The following FBLN2 variants were observed in gnomAD, a reference collection of about 807,000 sequenced individuals.
FBLN2 encodes the protein fibulin-2.
A neutral mutation model predicts 123.7 loss-of-function variants in FBLN2; 81 were observed. The ratio of observed to expected loss-of-function variants is 0.65; its 90% CI spans 0.55 to 0.79. The LOEUF is 0.79. Ranked by LOEUF, FBLN2 falls within the 30% of genes least tolerant of loss-of-function variation. The pLI is 0.00. For missense variants in FBLN2, 1,603 were observed against 1,681.3 expected, an observed-to-expected ratio of 0.95 and a Z score of 0.81; for synonymous variants, 699 against 701.4, an observed-to-expected ratio of 1.00 and a Z score of 0.05.
intron 1 of FBLN2, among the ~76,000 whole-genome samples, chr3:13,563,640 AAGAC>A (rs1252235504): frequency 6.6e-6 from 1 of 152,060 alleles, no homozygotes. Flanking sequence ...AGCCCCGTCT[AAGAC>A]AGTGCGCAGC....
At chr3:13,626,075 A>G (rs1210539313) in intron 9 of FBLN2, among the ~76,000 whole-genome samples, 1 of 151,826 alleles carries the variant, frequency 6.6e-6, no homozygotes, top group Non-Finnish European at 1.5e-5. Flanking sequence ...GTACCTGGGC[A>G]CTCCCTGTCT....
intron 4 of FBLN2, among the ~76,000 whole-genome samples, chr3:13,611,581 C>T (rs755789045): frequency 6.8e-4 from 103 of 152,212 alleles, no homozygotes; most frequent in Non-Finnish European, 1.3e-3. Flanking sequence ...CAAGGTTCAT[C>T]CATGCCATGT....
intron 2 of FBLN2, among the ~76,000 whole-genome samples, chr3:13,592,507 G>A (rs1704709945): frequency 6.6e-6 from 1 of 152,138 alleles, no homozygotes; most frequent in Admixed American, 6.5e-5. Flanking sequence ...TTGAAATTTG[G>A]AATTAGCCCT....
chr3:13,590,390 A>G (rs1477660310), intron 2 of FBLN2, among the ~76,000 whole-genome samples: 2 of 151,942 alleles, frequency 1.3e-5, no homozygotes, highest in Non-Finnish European at 2.9e-5. Context: ...CAGAGGTGCC[A>G]TCTTGGCTCA....
chr3:13,550,129 C>T (rs1419535422), intron 1 of FBLN2, among the ~76,000 whole-genome samples: 1 of 152,244 alleles, frequency 6.6e-6, no homozygotes, highest in South Asian at 2.1e-4. Context: ...CAGACCCCCA[C>T]GACTTCACAG....
intron 8 of FBLN2, among the ~76,000 whole-genome samples, chr3:13,620,299 G>A (rs1458700181): frequency 6.6e-6 from 1 of 152,218 alleles, no homozygotes; most frequent in Non-Finnish European, 1.5e-5. Flanking sequence ...TTGCCCTTGA[G>A]GGTTGCCCTG....
intron 5 of FBLN2, among the ~76,000 whole-genome samples, chr3:13,617,656 TACCCACCCATCCACCC>T (rs1303685735): frequency 2.4e-4 from 17 of 69,654 alleles, no homozygotes; most frequent in African/African-American, 9.8e-4. Flanking sequence ...CCCACCCATC[TACCCACCCATCCACCC>T]ACCCATCCAT....
chr3:13,630,522 C>T (rs1706219897), intron 14 of FBLN2, among the ~76,000 whole-genome samples, 177 bp from the exon 15 acceptor site: 1 of 152,240 alleles, frequency 6.6e-6, no homozygotes. Context: ...GCTGAGACCC[C>T]TGGGAGGCCA....
intron 2 of FBLN2, among the ~76,000 whole-genome samples, chr3:13,577,222 CAAAAAAAAAAA>C (rs34445954): frequency 6.7e-5 from 4 of 59,936 alleles, no homozygotes; most frequent in Non-Finnish European, 1.4e-4. Flanking sequence ...GACTCCGTCT[CAAAAAAAAAAA>C]AAAAAAAAGC....
chr3:13,559,950 C>T (rs1270857264), intron 1 of FBLN2, among the ~76,000 whole-genome samples: 2 of 152,090 alleles, frequency 1.3e-5, no homozygotes, highest in South Asian at 2.1e-4. Flanking sequence ...TGTGGAGCGC[C>T]AGGTGGGGAG....
chr3:13,575,097 C>T (rs1206491630), intron 2 of FBLN2, among the ~76,000 whole-genome samples: 2 of 152,198 alleles, frequency 1.3e-5, no homozygotes, highest in African/African-American at 2.4e-5. Flanking sequence ...TAATCATCGT[C>T]GCATTTCTAA....
intron 10 of FBLN2, 104 bp from the exon 11 acceptor site, chr3:13,627,728 C>A: frequency 1.5e-6 from 2 of 1,374,932 alleles, no homozygotes; most frequent in Admixed American, 5.7e-5. Context: ...ATCTTTGTGG[C>A]CATCAGGGTC....
intron 2 of FBLN2, among the ~76,000 whole-genome samples, chr3:13,588,695 AAG>A (rs1235927956): frequency 3.3e-5 from 5 of 152,232 alleles, no homozygotes; most frequent in Non-Finnish European, 7.3e-5. Context: ...GTTTACTTCT[AAG>A]AGAAAAAAAG....
Position 13,621,946 on chromosome 3 carries a change from T to C in FBLN2, c.2296+31T>C, listed in dbSNP as rs756013620. ...CCAGGGCCCCGCCTGCCGCCCGCCG[T>C]CACAGCTCTCCGCTCTGCTCCACGC... is the stretch of plus-strand genomic sequence containing the variant. On this transcript the variant is annotated intron_variant, in intron 9 of 17. Coordinates refer to ENST00000404922, the MANE Select transcript of FBLN2 (RefSeq NM_001004019.2). The C allele has an allele frequency of 7.2e-5, 116 of 1,603,340 alleles. 1 individual carries two copies. In the Middle Eastern group the frequency reaches 8.3e-4, roughly 11 times the overall value.
chr3:13,561,685 G>A (rs532526008), intron 1 of FBLN2, among the ~76,000 whole-genome samples: 2 of 152,334 alleles, frequency 1.3e-5, no homozygotes, highest in East Asian at 1.9e-4. Flanking sequence ...GTCTGTCTCT[G>A]TCACAACGCC....
chr3:13,577,629 A>G (rs113406925), intron 2 of FBLN2, among the ~76,000 whole-genome samples: 110 of 152,340 alleles, frequency 7.2e-4, no homozygotes, highest in African/African-American at 2.6e-3. Context: ...AGGAGCTCCC[A>G]AAAGGGAACA....
chr3:13,583,080 G>A (rs981227003), intron 2 of FBLN2, among the ~76,000 whole-genome samples: 2 of 152,256 alleles, frequency 1.3e-5, no homozygotes, highest in African/African-American at 2.4e-5. Flanking sequence ...AACTGCGTCA[G>A]CAAACGCGCG....
chr3:13,558,643 A>T (rs1365342709), intron 1 of FBLN2, among the ~76,000 whole-genome samples: 1 of 149,830 alleles, frequency 6.7e-6, no homozygotes, highest in African/African-American at 2.5e-5. Context: ...CCACTCACCC[A>T]CCCATCCATA....
rs565510660 is a variant in FBLN2, at chr3:13,582,782, C to T, written c.1306+11121C>T. Among the ~76,000 whole-genome samples, 8 of 152,328 alleles carry T rather than the reference C, an allele frequency of 5.3e-5. No homozygotes were observed. The South Asian group carries it at 1.0e-3, about 20-fold the overall frequency. On this transcript the variant is annotated intron_variant, in intron 2 of 17. Coordinates refer to ENST00000404922, the MANE Select transcript of FBLN2 (RefSeq NM_001004019.2). ...CAGCACAGAGTGCTGCTCCGGGCCA[C>T]GGGCTGCTTGCCTCATCCTGCCAGA...
Sources: allele counts gnomAD v4.1 joint callset (sites outside exome capture counted in the v4.1 genomes callset), GRCh38; gene constraint gnomAD v4.1.1; transcripts MANE v1.5; gene names NCBI Gene and HGNC (gene_info 2026-07-23, HGNC 2026-07-21).